Variants in PAGE5 observed in about 807,000 individuals in gnomAD.
The protein encoded by PAGE5 is P antigen family member 5.
In PAGE5, 8 loss-of-function variants were observed where a neutral mutation model predicts 8.1. The observed-to-expected ratio is 0.98, with a 90% CI of 0.58 to 1.77. PAGE5 has a LOEUF of 1.77. PAGE5 is among the 40% of genes most tolerant of loss of function. The probability of loss-of-function intolerance (pLI) is 0.00; values close to 1 mark genes in which losing one functional copy is unlikely to be tolerated. For missense variants in PAGE5, 64 were observed against 77.6 expected, an observed-to-expected ratio of 0.82 and a Z score of 0.66; for synonymous variants, 30 against 27.0, an observed-to-expected ratio of 1.11 and a Z score of -0.35.
Position 55,221,400 on chromosome X carries a change from A to G in PAGE5, c.18A>G (p.Thr6=). The G allele has an allele frequency of 1.7e-6, 2 of 1,210,966 alleles. No individual in the cohort carries two copies. The highest frequency in any genetic ancestry group is 4.3e-5 in the Admixed American group (2 of 46,011). MSEHV[T]RSQSSERGND... Reference sequence around the variant, plus strand: ...TGAGAGATATGAGTGAGCATGTAACAAGATCCCAATCCTCAGAAAGAGGAA... The same window carrying G: ...TGAGAGATATGAGTGAGCATGTAACGAGATCCCAATCCTCAGAAAGAGGAA... Residue 6 remains threonine, a synonymous_variant, in exon 2 of 5, where the codon ACA becomes ACG. Transcript: ENST00000374955.
At chrX:55,221,731 T>C (rs1186338313) in intron 2 of PAGE5, 36 bp from the exon 3 acceptor site, 6 of 1,173,186 alleles carry the variant, frequency 5.1e-6, no homozygotes, top group South Asian at 1.9e-5. Flanking sequence ...GTTTATATTA[T>C]TGACTTTTTA....
intron 4 of PAGE5, among the ~76,000 whole-genome samples, chrX:55,223,273 T>G (rs781596552): frequency 8.9e-6 from 1 of 112,583 alleles, no homozygotes; most frequent in African/African-American, 3.2e-5. Context: ...AATTTTCAGG[T>G]ATTTTTACAG....
chrX:55,222,858 A>C, intron 4 of PAGE5, 112 bp downstream of exon 4: 1 of 959,273 alleles, frequency 1.0e-6, no homozygotes, highest in Non-Finnish European at 1.4e-6. Context: ...TCACATCTAA[A>C]GATTCTTTGA....
In PAGE5 at chrX:55,222,535, A is replaced by G. The variant is rs926683333; in HGVS notation, c.191-86A>G. On this transcript the variant is annotated intron_variant, in intron 3 of 4. Coordinates refer to ENST00000374955, the MANE Select transcript of PAGE5 (RefSeq NM_001013435.3). ...TGAAATAATTAGCCTACAGGTTTTTATTTCACAATGATGAGGGAATAAATA... is the reference window on the plus strand; with the variant it reads ...TGAAATAATTAGCCTACAGGTTTTTGTTTCACAATGATGAGGGAATAAATA... 3.9e-6 allele frequency: 4 copies of G among 1,028,287 alleles called. No individual in the cohort carries two copies. In the African/African-American group the frequency reaches 5.5e-5, roughly 14 times the overall value. The allele number at this position is 1,028,287 out of a possible 1,213,427, so 84.7% of individuals were successfully genotyped here.
chrX:55,222,774 T>C (rs1297287920), intron 4 of PAGE5, 28 bp downstream of exon 4: 1 of 1,193,113 alleles, frequency 8.4e-7, no homozygotes. Context: ...ATGCAAATTA[T>C]AGGGTTTCTA....
In PAGE5 at chrX:55,223,968, TTTTATA is replaced by T; in HGVS notation, c.317-10_317-5del. ...AAATCTGCTGAATAACGTGCTCTAATTTTATATTTATATTATAGGTGAAGGGCAACT... is the reference window on the plus strand; with the variant it reads ...AAATCTGCTGAATAACGTGCTCTAATTTTATATTATAGGTGAAGGGCAACT... On this transcript the variant is annotated splice_polypyrimidine_tract_variant and intron_variant, in intron 4 of 4. Transcript: ENST00000374955. 1.8e-6 allele frequency: 2 copies of T among 1,123,027 alleles called. No individual in the cohort carries two copies. Among genetic ancestry groups the T allele is most frequent in the Non-Finnish European group, 2.4e-6 (2 of 833,096 alleles). 92.6% of individuals were successfully genotyped at this position (1,123,027 alleles called of 1,213,427 possible). A position where few individuals can be genotyped will look rare whatever the true frequency, so the allele number is the denominator to read the frequency against.
intron 4 of PAGE5, 52 bp downstream of exon 4, chrX:55,222,798 G>T: frequency 8.7e-7 from 1 of 1,143,859 alleles, no homozygotes; most frequent in Non-Finnish European, 1.2e-6. Context: ...TCACAATATT[G>T]TATTTTGTGT....
intron 1 of PAGE5, among the ~76,000 whole-genome samples, chrX:55,221,070 AT>A (rs1338093852): frequency 9.1e-6 from 1 of 110,341 alleles, no homozygotes; most frequent in Non-Finnish European, 1.9e-5. Context: ...TTCAGTTTCA[AT>A]TTTCTGCCCG....
chrX:55,220,370 A>G lies in PAGE5; in HGVS notation c.-91A>G, dbSNP rs908929051. The G allele has an allele frequency of 4.4e-5, 18 of 404,747 alleles. No homozygotes were observed. The Admixed American group carries it at 5.7e-4, about 13-fold the overall frequency. The allele number at this position is 404,747 out of a possible 1,213,427, so 33.4% of individuals were successfully genotyped here. A position where few individuals can be genotyped will look rare whatever the true frequency, so the allele number is the denominator to read the frequency against. On this transcript the variant is annotated 5_prime_UTR_variant, in exon 1 of 5. Coordinates refer to ENST00000374955, the MANE Select transcript of PAGE5 (RefSeq NM_001013435.3). ...CCTTCTGTCTAGGCAGAGCTCTGCA[A>G]GGAGAGGTTGTGTCTTCGTTCTTTC...
intron 1 of PAGE5, 105 bp downstream of exon 1, chrX:55,220,557 GA>G: frequency 8.6e-7 from 1 of 1,164,245 alleles, no homozygotes; most frequent in Non-Finnish European, 1.2e-6. Flanking sequence ...GGCTTTGAGG[GA>G]AAAGGGCCTC....
intron 1 of PAGE5, chrX:55,220,766 T>C (rs1937881236): frequency 2.6e-6 from 2 of 772,728 alleles, no homozygotes; most frequent in South Asian, 2.7e-5. Context: ...GGACAGTTTC[T>C]GGACTCTTCG....
At chrX:55,221,337 T>C in intron 1 of PAGE5, 38 bp from the exon 2 acceptor site, 1 of 1,147,341 alleles carries the variant, frequency 8.7e-7, no homozygotes. Flanking sequence ...AGCTAAGTTC[T>C]TACACACTTT....
chrX:55,223,483 T>G (rs1445871047), intron 4 of PAGE5, among the ~76,000 whole-genome samples: 1 of 111,997 alleles, frequency 8.9e-6, no homozygotes, highest in Non-Finnish European at 1.9e-5. Flanking sequence ...AGCAACTACA[T>G]AATGTCTAAA....
At chrX:55,223,439 C>T (rs181727886) in intron 4 of PAGE5, among the ~76,000 whole-genome samples, 1 of 111,546 alleles carries the variant, frequency 9.0e-6, no homozygotes, top group African/African-American at 3.3e-5. Flanking sequence ...GGCAGGAGTA[C>T]CAATGAAAAT....
intron 4 of PAGE5, among the ~76,000 whole-genome samples, chrX:55,223,632 C>G (rs1937921894): frequency 1.6e-5 from 1 of 63,802 alleles, no homozygotes; most frequent in African/African-American, 4.2e-5. Flanking sequence ...TTAAATGATA[C>G]TTTAAAAATA....
intron 2 of PAGE5, 125 bp downstream of exon 2, chrX:55,221,588 A>G: frequency 1.1e-6 from 1 of 948,740 alleles, no homozygotes; most frequent in Non-Finnish European, 1.4e-6. Flanking sequence ...GCATCTCATG[A>G]AGGCAACTTT....
chrX:55,223,780 C>T (rs1490105767), intron 4 of PAGE5, among the ~76,000 whole-genome samples: 3 of 111,572 alleles, frequency 2.7e-5, no homozygotes, highest in South Asian at 3.7e-4. Flanking sequence ...TGTTATTCTA[C>T]TAGAAAAAGT....
At chrX:55,223,692 G>A (rs755487502) in intron 4 of PAGE5, among the ~76,000 whole-genome samples, 2 of 111,398 alleles carry the variant, frequency 1.8e-5, no homozygotes, top group African/African-American at 6.5e-5. Flanking sequence ...TAAAAGTATA[G>A]GCATATTTTT....
At position 55,224,000 on chromosome X, in the gene PAGE5, A is replaced by G; in HGVS notation, c.330A>G (p.Leu110=). ...TTTATATTATAGGTGAAGGGCAACT[A>G]TAGGTTTAAACCAAGACAAATGAAG... The part of the protein sequence containing the change: ...TKVLEAGEGQ[L] The change falls in exon 5 of 5, where the codon CTA becomes CTG. Residue 110 remains leucine (L), a synonymous_variant. Transcript: ENST00000374955. 8.7e-7 allele frequency: 1 copy of G among 1,143,890 alleles called. No homozygotes were observed. 94.3% of individuals were successfully genotyped at this position (1,143,890 alleles called of 1,213,427 possible).
Sources: gnomAD v4.1 joint callset for allele counts (sites outside exome capture counted in the v4.1 genomes callset) on GRCh38, gnomAD v4.1.1 for gene constraint, MANE v1.5 for transcripts, NCBI Gene and HGNC (gene_info 2026-07-23, HGNC 2026-07-21) for gene names.